The following HCN1 variants were observed in gnomAD, a reference collection of about 807,000 sequenced individuals.
The protein encoded by HCN1 is potassium/sodium hyperpolarization-activated cyclic nucleotide-gated channel 1.
In HCN1, 13 loss-of-function variants were observed where a neutral mutation model predicts 78.9. The ratio of observed to expected loss-of-function variants is 0.16; its 90% CI spans 0.11 to 0.26. The LOEUF (loss-of-function observed/expected upper bound fraction) is 0.26, where lower values mean the gene tolerates loss of function less well. HCN1 is among the 10% of genes least tolerant of loss of function. The pLI is 1.00. For missense variants in HCN1, 810 were observed against 1,154.3 expected (o/e 0.70, Z 4.32); for synonymous variants, 552 against 455.5 (o/e 1.21, Z -2.70).
At chr5:45,674,516 T>C (rs1322677911) in intron 1 of HCN1, among the ~76,000 whole-genome samples, 1 of 151,684 alleles carries the variant, frequency 6.6e-6, no homozygotes, top group Non-Finnish European at 1.5e-5. Flanking sequence ...AAAGAGAATA[T>C]TTATTTTGTT....
chr5:45,446,358 A>G (rs1174898987), intron 3 of HCN1, among the ~76,000 whole-genome samples: 3 of 152,146 alleles, frequency 2.0e-5, no homozygotes, highest in Non-Finnish European at 4.4e-5. Context: ...AAAGAAACGA[A>G]CAAAGCCTCC....
At chr5:45,295,814 C>A (rs1745480365) in intron 6 of HCN1, among the ~76,000 whole-genome samples, 1 of 151,868 alleles carries the variant, frequency 6.6e-6, no homozygotes, top group Non-Finnish European at 1.5e-5. Flanking sequence ...TCAACTTATA[C>A]AAATACAAAA....
intron 4 of HCN1, among the ~76,000 whole-genome samples, chr5:45,372,080 A>AT (rs1747392699): frequency 1.7e-5 from 1 of 58,476 alleles, no homozygotes; most frequent in African/African-American, 9.0e-5. Context: ...TATTATATAT[A>AT]ATATAATTAT....
rs981862722 is a variant in HCN1, at chr5:45,314,689, C to T, written c.1378-10850G>A. On this transcript the variant is annotated intron_variant, in intron 5 of 7. Transcript: ENST00000303230. ...GAGACCCATCTCACATGCAGAGACACACAGGCTCAAAATAAAGGGATAGAG... is the reference window on the plus strand; with the variant it reads ...GAGACCCATCTCACATGCAGAGACATACAGGCTCAAAATAAAGGGATAGAG... Among the ~76,000 whole-genome samples the T allele has an allele frequency of 3.3e-5, 5 of 151,996 alleles. No individual in the cohort carries two copies. The East Asian group carries it at 7.7e-4, about 23-fold the overall frequency.
At chr5:45,631,877 C>A (rs1426324411) in intron 2 of HCN1, among the ~76,000 whole-genome samples, 2 of 152,032 alleles carry the variant, frequency 1.3e-5, no homozygotes, top group African/African-American at 2.4e-5. Flanking sequence ...AGTTCTTAAG[C>A]TGAAGCATTT....
intron 6 of HCN1, among the ~76,000 whole-genome samples, chr5:45,274,401 C>G (rs1465490689): frequency 6.6e-6 from 1 of 152,084 alleles, no homozygotes; most frequent in African/African-American, 2.4e-5. Context: ...TGAATGTTGA[C>G]CTAGTAGCAA....
intron 2 of HCN1, among the ~76,000 whole-genome samples, chr5:45,554,019 C>A (rs1357388268): frequency 6.6e-6 from 1 of 151,926 alleles, no homozygotes; most frequent in East Asian, 1.9e-4. Context: ...TAAATCCCAA[C>A]ATCCAAGTTA....
At chr5:45,394,103 C>T (rs1739638439) in intron 4 of HCN1, among the ~76,000 whole-genome samples, 1 of 152,132 alleles carries the variant, frequency 6.6e-6, no homozygotes, top group South Asian at 2.1e-4. Flanking sequence ...GAAACAAATT[C>T]ATTTAAGGAT....
At chr5:45,310,035 A>G (rs1227799848) in intron 5 of HCN1, among the ~76,000 whole-genome samples, 2 of 152,014 alleles carry the variant, frequency 1.3e-5, no homozygotes, top group Non-Finnish European at 1.5e-5. Context: ...TACTGCCTCA[A>G]GACTAAATGT....
chr5:45,446,809 A>G (rs1040448920), intron 3 of HCN1, among the ~76,000 whole-genome samples: 5 of 152,136 alleles, frequency 3.3e-5, no homozygotes, highest in African/African-American at 1.2e-4. Context: ...TGAAGGAGAA[A>G]TAAAATCCTT....
intron 5 of HCN1, among the ~76,000 whole-genome samples, chr5:45,319,841 T>C (rs1238522104): frequency 1.3e-5 from 2 of 151,922 alleles, no homozygotes; most frequent in Non-Finnish European, 2.9e-5. Flanking sequence ...CAATATCTCA[T>C]TTAGTTATTA....
chr5:45,538,283 T>G (rs544025832), intron 2 of HCN1, among the ~76,000 whole-genome samples: 1 of 152,244 alleles, frequency 6.6e-6, no homozygotes, highest in East Asian at 1.9e-4. Context: ...CTAATTGCTG[T>G]GATGCAAAGA....
chr5:45,548,766 T>C (rs1743287941), intron 2 of HCN1, among the ~76,000 whole-genome samples: 1 of 152,084 alleles, frequency 6.6e-6, no homozygotes, highest in East Asian at 1.9e-4. Flanking sequence ...CAGCTCAAAA[T>C]CTCCTTAAGC....
chr5:45,301,003 G>A (rs1467272247), intron 6 of HCN1, among the ~76,000 whole-genome samples: 1 of 152,020 alleles, frequency 6.6e-6, no homozygotes, highest in African/African-American at 2.4e-5. Context: ...GGAAGTTAAA[G>A]AAGTTAATTA....
intron 2 of HCN1, among the ~76,000 whole-genome samples, chr5:45,465,639 C>A (rs1158912403): frequency 1.3e-5 from 2 of 151,916 alleles, no homozygotes. Context: ...CCTGTAGTCC[C>A]AGCTACTCAG....
chr5:45,523,353 T>C (rs1351268479), intron 2 of HCN1, among the ~76,000 whole-genome samples: 1 of 152,120 alleles, frequency 6.6e-6, no homozygotes, highest in African/African-American at 2.4e-5. Context: ...GCATGATTTA[T>C]AGTCCTTTGG....
chr5:45,614,141 C>T (rs1744897974), intron 2 of HCN1, among the ~76,000 whole-genome samples: 1 of 152,098 alleles, frequency 6.6e-6, no homozygotes, highest in African/African-American at 2.4e-5. Context: ...TCATCCATGA[C>T]AATCAAGAAT....
At chr5:45,483,692 C>G (rs1741700193) in intron 2 of HCN1, among the ~76,000 whole-genome samples, 1 of 152,036 alleles carries the variant, frequency 6.6e-6, no homozygotes, top group Non-Finnish European at 1.5e-5. Flanking sequence ...AGATTATTTG[C>G]CAAGCTGATG....
At chr5:45,538,591 T>C (rs1039349328) in intron 2 of HCN1, among the ~76,000 whole-genome samples, 1 of 152,170 alleles carries the variant, frequency 6.6e-6, no homozygotes, top group African/African-American at 2.4e-5. Flanking sequence ...AAATGCCTGA[T>C]AAAAAGGCTT....
Sources: gnomAD v4.1 joint callset for allele counts (sites outside exome capture counted in the v4.1 genomes callset) on GRCh38, gnomAD v4.1.1 for gene constraint, MANE v1.5 for transcripts, NCBI Gene and HGNC (gene_info 2026-07-23, HGNC 2026-07-21) for gene names.